VAC14: variants seen among roughly 807,000 people sequenced by gnomAD.
The protein encoded by VAC14 is VAC14 component of PIKFYVE complex.
VAC14 carries 47 observed loss-of-function variants against 85.3 expected under a neutral mutation model. That is an observed-to-expected ratio of 0.55 (90% confidence interval 0.44 to 0.70). The LOEUF (loss-of-function observed/expected upper bound fraction) is 0.70. Ranked by LOEUF, VAC14 falls within the 30% of genes least tolerant of loss-of-function variation. The pLI is 0.00. For missense variants in VAC14, 861 were observed against 1,004.3 expected, an observed-to-expected ratio of 0.86 and a Z score of 1.93; for synonymous variants, 447 against 430.5, an observed-to-expected ratio of 1.04 and a Z score of -0.47.
chr16:70,797,886 A>C (rs75380504), intron 1 of VAC14, among the ~76,000 whole-genome samples: 1 of 152,132 alleles, frequency 6.6e-6, no homozygotes, highest in East Asian at 1.9e-4. Flanking sequence ...GCCCTCCATC[A>C]TGATTGGAAG....
intron 16 of VAC14, chr16:70,696,741 C>G (rs1407276734): frequency 4.4e-6 from 1 of 228,296 alleles, no homozygotes; most frequent in Non-Finnish European, 8.8e-6. Context: ...TTCTCCCCCA[C>G]CCCCACACCA....
chr16:70,788,186 G>A (rs1156297267), intron 1 of VAC14, among the ~76,000 whole-genome samples: 1 of 152,208 alleles, frequency 6.6e-6, no homozygotes, highest in African/African-American at 2.4e-5. Flanking sequence ...TTAGAGCTGG[G>A]ACTTTCTAGT....
intron 9 of VAC14, chr16:70,779,256 T>C (rs2033690198): frequency 6.6e-6 from 1 of 152,256 alleles, no homozygotes; most frequent in Non-Finnish European, 1.5e-5. Context: ...AGGTGGGGCA[T>C]GCATGCTTGA....
chr16:70,695,310 A>C (rs916370319), intron 17 of VAC14, among the ~76,000 whole-genome samples: 4 of 152,046 alleles, frequency 2.6e-5, no homozygotes, highest in African/African-American at 9.7e-5. Flanking sequence ...ATGAGATCTC[A>C]CTATGGTGCC....
At chr16:70,722,323 G>A (rs1186113844) in intron 14 of VAC14, among the ~76,000 whole-genome samples, 5 of 152,158 alleles carry the variant, frequency 3.3e-5, no homozygotes, top group African/African-American at 1.2e-4. Flanking sequence ...TGTGCCATGG[G>A]TCCCCCAGGC....
chr16:70,773,309 C>A (rs2033342939), intron 9 of VAC14: 1 of 152,164 alleles, frequency 6.6e-6, no homozygotes. Context: ...CTCCAAGTGG[C>A]CAACTCAATA....
intron 14 of VAC14, among the ~76,000 whole-genome samples, chr16:70,709,043 T>C (rs2053977261): frequency 6.6e-6 from 1 of 152,312 alleles, no homozygotes; most frequent in South Asian, 2.1e-4. Flanking sequence ...TGCCCTCTCT[T>C]GCCACAGGGA....
rs752994535 is a variant in VAC14, at chr16:70,762,652, C to T, written c.1306-47G>A. 1.5e-5 allele frequency: 24 copies of T among 1,598,804 alleles called. No individual in the cohort carries two copies. Among genetic ancestry groups the T allele is most frequent in the African/African-American group, 2.7e-5 (2 of 74,564 alleles). Reference sequence around the variant, plus strand: ...GTGCCCGTGAGTGCTCCCTTCGCCCCGGGACTACGTGCAGTGCAGTGTCCC... The same window carrying T: ...GTGCCCGTGAGTGCTCCCTTCGCCCTGGGACTACGTGCAGTGCAGTGTCCC... On this transcript the variant is annotated intron_variant, in intron 11 of 18. Coordinates refer to ENST00000261776, the MANE Select transcript of VAC14 (RefSeq NM_018052.5). This position sits in a 1 kb window ranked among gnomAD's most constrained non-coding sequence, Gnocchi z 4.1.
rs780106571 is a variant in VAC14, at chr16:70,692,991, G to A, written c.2036-20C>T. ...GCAGATCTGGGGTAGGCAGAGGGCA[G>A]GGGTCAGGGACCTGGCACTGCTCTG... On this transcript the variant is annotated intron_variant, in intron 17 of 18. Transcript: ENST00000261776. 2 of 1,605,584 alleles carry A rather than the reference G, an allele frequency of 1.2e-6. No individual in the cohort carries two copies. Among genetic ancestry groups the A allele is most frequent in the African/African-American group, 2.7e-5 (2 of 74,862 alleles).
At chr16:70,734,382 C>T (rs1231444069) in intron 13 of VAC14, among the ~76,000 whole-genome samples, 4 of 152,192 alleles carry the variant, frequency 2.6e-5, no homozygotes, top group Non-Finnish European at 5.9e-5. Context: ...ACCCTTCTGC[C>T]TTGGCCTCCC....
At chr16:70,741,058 G>A (rs578244829) in intron 13 of VAC14, among the ~76,000 whole-genome samples, 46 of 152,378 alleles carry the variant, frequency 3.0e-4, no homozygotes, top group African/African-American at 1.1e-3. Flanking sequence ...CTGCCTCCGA[G>A]GCTTTCCAGA....
At chr16:70,733,115 C>A (rs1326986169) in intron 13 of VAC14, among the ~76,000 whole-genome samples, 3 of 152,240 alleles carry the variant, frequency 2.0e-5, no homozygotes, top group Admixed American at 6.5e-5. Flanking sequence ...CCAAAAGGAA[C>A]CCCATACTGA....
At chr16:70,750,948 C>T (rs981618470) in intron 12 of VAC14, among the ~76,000 whole-genome samples, 1 of 152,074 alleles carries the variant, frequency 6.6e-6, no homozygotes. Flanking sequence ...CTGGGAGGCT[C>T]GTTCTCACCT....
chr16:70,753,437 C>T (rs2031565143), intron 12 of VAC14, among the ~76,000 whole-genome samples: 2 of 152,196 alleles, frequency 1.3e-5, no homozygotes, highest in African/African-American at 4.8e-5. Flanking sequence ...AAAATCAACA[C>T]ATGACTTGCA....
chr16:70,753,026 G>C (rs1038639620), intron 12 of VAC14, among the ~76,000 whole-genome samples: 4 of 152,038 alleles, frequency 2.6e-5, no homozygotes, highest in Admixed American at 6.5e-5. Flanking sequence ...GTGTGTGTGT[G>C]TGTGTGTGTG....
chr16:70,761,016 T>TGC (rs1555523206), intron 12 of VAC14: 11 of 300,884 alleles, frequency 3.7e-5, no homozygotes, highest in African/African-American at 2.5e-4. Flanking sequence ...TGTGTGTGTG[T>TGC]GTGCATGGGG....
intron 5 of VAC14, 38 bp from the exon 6 acceptor site, chr16:70,783,592 C>G: frequency 6.3e-7 from 1 of 1,599,768 alleles, no homozygotes; most frequent in South Asian, 1.1e-5. Context: ...AAGTCAGCTC[C>G]AGAACCCTGT....
intron 14 of VAC14, 194 bp downstream of exon 14, chr16:70,731,301 C>A: frequency 7.1e-7 from 1 of 1,417,160 alleles, no homozygotes; most frequent in South Asian, 1.7e-5. Flanking sequence ...CAACACTGAC[C>A]TGTCTGTTTC....
At chr16:70,787,932 A>G (rs2034145404) in intron 1 of VAC14, among the ~76,000 whole-genome samples, 1 of 152,242 alleles carries the variant, frequency 6.6e-6, no homozygotes, top group Admixed American at 6.5e-5. Flanking sequence ...AAATGAGGAC[A>G]GGAAGCGTGA....
Sources: gnomAD v4.1 joint callset for allele counts (sites outside exome capture counted in the v4.1 genomes callset) on GRCh38, gnomAD v4.1.1 for gene constraint, Gnocchi (gnomAD v3.1) non-coding constraint, MANE v1.5 for transcripts, NCBI Gene and HGNC (gene_info 2026-07-23, HGNC 2026-07-21) for gene names.